The following KHDRBS3 variants were observed in gnomAD, a reference collection of about 807,000 sequenced individuals.
KHDRBS3 encodes KH domain-containing, RNA-binding, signal transduction-associated protein 3.
A neutral mutation model predicts 45.6 loss-of-function variants in KHDRBS3; 23 were observed. That is an observed-to-expected ratio of 0.50 (90% CI 0.36 to 0.72). The LOEUF (loss-of-function observed/expected upper bound fraction) is 0.72. KHDRBS3 is among the 30% of genes least tolerant of loss of function. The pLI, the probability that KHDRBS3 is intolerant of heterozygous loss-of-function variation, is 0.00. For synonymous variants in KHDRBS3, 162 were observed against 156.5 expected (o/e 1.04, Z -0.26); for missense variants, 352 against 424.8 (o/e 0.83, Z 1.51).
At chr8:135,542,026 A>G (rs1826071359) in intron 2 of KHDRBS3, 2 of 152,220 alleles carry the variant, frequency 1.3e-5, no homozygotes, top group African/African-American at 4.8e-5. Context: ...TAGTCTGGTT[A>G]CAGAAGGCAT....
At chr8:135,527,770 A>G (rs1251107094) in intron 2 of KHDRBS3, among the ~76,000 whole-genome samples, 1 of 152,228 alleles carries the variant, frequency 6.6e-6, no homozygotes, top group Non-Finnish European at 1.5e-5. Flanking sequence ...GTGAAAAAAG[A>G]AAAGTCAAGA....
At chr8:135,515,915 G>A (rs971112001) in intron 1 of KHDRBS3, among the ~76,000 whole-genome samples, 4 of 152,154 alleles carry the variant, frequency 2.6e-5, no homozygotes, top group Non-Finnish European at 5.9e-5. Flanking sequence ...ACTGTCTTTT[G>A]TTGCTTAACC....
chr8:135,573,224 G>A (rs1406207662), intron 5 of KHDRBS3, among the ~76,000 whole-genome samples: 2 of 152,162 alleles, frequency 1.3e-5, no homozygotes, highest in Non-Finnish European at 2.9e-5. Flanking sequence ...AGCAGTCAGG[G>A]CATCTACCAC....
At chr8:135,507,753 T>C (rs1472987143) in intron 1 of KHDRBS3, among the ~76,000 whole-genome samples, 1 of 152,180 alleles carries the variant, frequency 6.6e-6, no homozygotes, top group Non-Finnish European at 1.5e-5. Context: ...TAAATTGATA[T>C]GAGAAGACAG....
chr8:135,512,428 T>TAG (rs1824335367), intron 1 of KHDRBS3, among the ~76,000 whole-genome samples: 1 of 27,584 alleles, frequency 3.6e-5, no homozygotes, highest in Non-Finnish European at 6.1e-5. Flanking sequence ...TTTGGAAAAG[T>TAG]CGGGGGGGGG....
chr8:135,593,357 T>C (rs1241117326), intron 6 of KHDRBS3: 1 of 152,222 alleles, frequency 6.6e-6, no homozygotes, highest in Non-Finnish European at 1.5e-5. Context: ...GATCCACAAG[T>C]ATACATCTTA....
chr8:135,627,062 AT>A (rs1221493149), intron 7 of KHDRBS3, among the ~76,000 whole-genome samples: 1 of 152,188 alleles, frequency 6.6e-6, no homozygotes, highest in Admixed American at 6.5e-5. Context: ...CACACGCCTT[AT>A]TTCCGAATGC....
intron 1 of KHDRBS3, among the ~76,000 whole-genome samples, chr8:135,498,208 C>T (rs952898193): frequency 3.3e-5 from 5 of 152,276 alleles, no homozygotes; most frequent in African/African-American, 1.2e-4. Context: ...AACACACTTT[C>T]CTTGGGGATT....
intron 7 of KHDRBS3, among the ~76,000 whole-genome samples, chr8:135,611,862 A>C (rs1477505190): frequency 6.6e-6 from 1 of 151,828 alleles, no homozygotes. Flanking sequence ...ACAACACTGC[A>C]TGTTTCAGAA....
intron 5 of KHDRBS3, among the ~76,000 whole-genome samples, chr8:135,571,336 G>A (rs906995242): frequency 6.6e-6 from 1 of 152,114 alleles, no homozygotes; most frequent in Non-Finnish European, 1.5e-5. Context: ...CCACACTTTG[G>A]TTTTTCAGAA....
chr8:135,519,808 G>A (rs772754497), intron 1 of KHDRBS3, among the ~76,000 whole-genome samples: 4 of 152,124 alleles, frequency 2.6e-5, no homozygotes, highest in African/African-American at 9.7e-5. Flanking sequence ...CATTTAGTTC[G>A]AAATGGGAGG....
chr8:135,618,424 C>A (rs1195168157), intron 7 of KHDRBS3, among the ~76,000 whole-genome samples: 1 of 152,094 alleles, frequency 6.6e-6, no homozygotes, highest in African/African-American at 2.4e-5. Context: ...TTTAGGTTGT[C>A]CACAGAATTG....
At chr8:135,512,965 C>G (rs1824380029) in intron 1 of KHDRBS3, among the ~76,000 whole-genome samples, 1 of 152,130 alleles carries the variant, frequency 6.6e-6, no homozygotes, top group African/African-American at 2.4e-5. Context: ...GTAATCCCAG[C>G]ACTTTGGGAG....
chr8:135,515,088 T>C (rs942146960), intron 1 of KHDRBS3, among the ~76,000 whole-genome samples: 7 of 151,980 alleles, frequency 4.6e-5, no homozygotes, highest in African/African-American at 1.7e-4. Flanking sequence ...CTTGTGGGGC[T>C]GGGCGCGGTG....
At chr8:135,589,064 C>T (rs552766769) in intron 6 of KHDRBS3, among the ~76,000 whole-genome samples, 3 of 152,208 alleles carry the variant, frequency 2.0e-5, no homozygotes, top group Non-Finnish European at 2.9e-5. Context: ...TCTACATTGC[C>T]GTTGGTTTTG....
intron 6 of KHDRBS3, among the ~76,000 whole-genome samples, chr8:135,588,228 C>G (rs1828574402): frequency 6.6e-6 from 1 of 152,106 alleles, no homozygotes; most frequent in South Asian, 2.1e-4. Context: ...TAGAACGGCT[C>G]AGAACTCAGG....
chr8:135,556,883 A>C (rs773220866), intron 4 of KHDRBS3, among the ~76,000 whole-genome samples: 1 of 152,200 alleles, frequency 6.6e-6, no homozygotes, highest in Non-Finnish European at 1.5e-5. Context: ...TTCAGGAATA[A>C]GATTATGTGT....
chr8:135,646,959 G>A, intron 8 of KHDRBS3, 34 bp from the exon 9 acceptor site: 1 of 1,128,044 alleles, frequency 8.9e-7, no homozygotes, highest in Non-Finnish European at 1.4e-6. Context: ...ATTCATGGCA[G>A]TGATCTAATT....
At position 135,548,994 on chromosome 8, in the gene KHDRBS3, C is replaced by G. The variant is rs113140460; in HGVS notation, c.471+94C>G. 4.8e-3 allele frequency: 4,008 copies of G among 827,350 alleles called. 22 individuals are homozygous for G. The highest frequency in any genetic ancestry group is 6.3e-3 in the Non-Finnish European group (3,606 of 569,104). 51.3% of individuals were successfully genotyped at this position (827,350 alleles called of 1,614,324 possible). A position where few individuals can be genotyped will look rare whatever the true frequency, so the allele number is the denominator to read the frequency against. ...GTCTGTAACTGTTATTTGCATAGCT[C>G]CTTTTCTGCTGTAAAGCTGTATGGA... On this transcript the variant is annotated intron_variant, in intron 4 of 8. Transcript: ENST00000355849.
Sources: allele counts gnomAD v4.1 joint callset (sites outside exome capture counted in the v4.1 genomes callset), GRCh38; gene constraint gnomAD v4.1.1; transcripts MANE v1.5; gene names NCBI Gene and HGNC (gene_info 2026-07-23, HGNC 2026-07-21).